Variants in ADAMTS2 observed in about 807,000 individuals in gnomAD.
ADAMTS2 encodes ADAM metallopeptidase with thrombospondin type 1 motif 2, also known as A disintegrin and metalloproteinase with thrombospondin motifs 2.
ADAMTS2 carries 50 observed loss-of-function variants against 123.0 expected under a neutral mutation model. The observed-to-expected ratio is 0.41, with a 90% CI of 0.32 to 0.51. ADAMTS2 has a LOEUF of 0.51. Ranked by LOEUF, ADAMTS2 falls within the 20% of genes least tolerant of loss-of-function variation. The probability of loss-of-function intolerance (pLI) is 0.35; values close to 1 mark genes in which losing one functional copy is unlikely to be tolerated. For missense variants in ADAMTS2, 1,494 were observed against 1,705.2 expected, an observed-to-expected ratio of 0.88 and a Z score of 2.18; for synonymous variants, 678 against 695.4, an observed-to-expected ratio of 0.98 and a Z score of 0.39.
At position 179,256,349 on chromosome 5, in the gene ADAMTS2, G is replaced by A. The variant is rs1289397328; in HGVS notation, c.688+16562C>T. Reference sequence around the variant, plus strand: ...AGGCCTGCCATGGAGCTTTGGGCCTGAGGCCTCAGCTGAGGCCAAGGCAGC... The same window carrying A: ...AGGCCTGCCATGGAGCTTTGGGCCTAAGGCCTCAGCTGAGGCCAAGGCAGC... On this transcript the variant is annotated intron_variant, in intron 3 of 21. Coordinates refer to ENST00000251582, the MANE Select transcript of ADAMTS2 (RefSeq NM_014244.5). The surrounding 1 kb of genome is among the most constrained non-coding windows in gnomAD (Gnocchi z 4.1). 6.6e-6 allele frequency among the ~76,000 whole-genome samples: 1 copy of A among 152,142 alleles called. No homozygotes were observed. Among genetic ancestry groups the A allele is most frequent in the Non-Finnish European group, 1.5e-5 (1 of 68,022 alleles).
intron 3 of ADAMTS2, among the ~76,000 whole-genome samples, chr5:179,247,575 T>C (rs994605186): frequency 3.9e-5 from 6 of 152,182 alleles, no homozygotes; most frequent in African/African-American, 1.4e-4. Flanking sequence ...TCAAGATACA[T>C]TGTAATCAAA....
intron 4 of ADAMTS2, among the ~76,000 whole-genome samples, chr5:179,200,756 C>A (rs1177960771): frequency 1.3e-5 from 2 of 152,160 alleles, no homozygotes; most frequent in Non-Finnish European, 2.9e-5. Context: ...GGAAAGACTG[C>A]AGGATCTTTC....
At chr5:179,152,523 C>T (rs1317150162) in intron 9 of ADAMTS2, among the ~76,000 whole-genome samples, 2 of 152,122 alleles carry the variant, frequency 1.3e-5, no homozygotes, top group African/African-American at 2.4e-5. Flanking sequence ...GCAGCTGGGC[C>T]CTAAGTGCCA....
chr5:179,344,719 C>A (rs1011554662), intron 1 of ADAMTS2, among the ~76,000 whole-genome samples: 8 of 152,222 alleles, frequency 5.3e-5, no homozygotes, highest in African/African-American at 1.9e-4. Flanking sequence ...TCTCCCCGAG[C>A]GCCCGAGGAC....
chr5:179,177,851 C>T (rs1763964096), intron 5 of ADAMTS2, among the ~76,000 whole-genome samples: 1 of 152,170 alleles, frequency 6.6e-6, no homozygotes, highest in Admixed American at 6.5e-5. Context: ...GGCTTTATTC[C>T]ATCAAGTACT....
Position 179,256,631 on chromosome 5 carries a change from C to T in ADAMTS2, c.688+16280G>A, listed in dbSNP as rs1336086171. On this transcript the variant is annotated intron_variant, in intron 3 of 21. Coordinates refer to ENST00000251582, the MANE Select transcript of ADAMTS2 (RefSeq NM_014244.5). The surrounding 1 kb of genome is among the most constrained non-coding windows in gnomAD (Gnocchi z 4.1). ...TCCACTGCAAACCAGGCAGGCGGGG[C>T]CAGCATGAGTGGGGGGGCCAGGCAC... Among the ~76,000 whole-genome samples the T allele has an allele frequency of 6.6e-6, 1 of 152,062 alleles. No individual in the cohort carries two copies. Among genetic ancestry groups the T allele is most frequent in the Non-Finnish European group, 1.5e-5 (1 of 68,002 alleles).
chr5:179,118,360 G>A lies in ADAMTS2; in HGVS notation c.3178+3301C>T, dbSNP rs1202690251. On this transcript the variant is annotated intron_variant, in intron 21 of 21. Transcript: ENST00000251582. The surrounding 1 kb of genome is among the most constrained non-coding windows in gnomAD (Gnocchi z 4.5). The stretch of plus-strand genomic sequence containing the variant: ...AGGTAATGACTGGCGATGCCTCTCC[G>A]CCAAGATGAACACTGTGGTTTTACA... Among the ~76,000 whole-genome samples the A allele has an allele frequency of 2.6e-5, 4 of 151,922 alleles. No homozygotes were observed. Among genetic ancestry groups the A allele is most frequent in the Admixed American group, 1.3e-4 (2 of 15,248 alleles).
In ADAMTS2 at chr5:179,262,582, G is replaced by A. The variant is rs1045273384; in HGVS notation, c.688+10329C>T. Among the ~76,000 whole-genome samples, 1 of 152,024 alleles carries A rather than the reference G, an allele frequency of 6.6e-6. No homozygotes were observed. The highest frequency in any genetic ancestry group is 1.5e-5 in the Non-Finnish European group (1 of 68,014). On this transcript the variant is annotated intron_variant, in intron 3 of 21. Transcript: ENST00000251582. The surrounding 1 kb of genome is among the most constrained non-coding windows in gnomAD (Gnocchi z 5.9). ...GCTCTTCCTTCTGCCCCTTGGTCAC[G>A]CTGCGGTAACTCCAGCCTCAGGGCT...
chr5:179,275,552 G>A (rs75091832), intron 2 of ADAMTS2, among the ~76,000 whole-genome samples: 3,473 of 152,268 alleles, frequency 0.023, 57 homozygotes, highest in Middle Eastern at 0.061. Context: ...TCCTTATGCC[G>A]GGGAGTGGAG....
chr5:179,229,023 G>A (rs1004565358), intron 3 of ADAMTS2, among the ~76,000 whole-genome samples: 1 of 151,940 alleles, frequency 6.6e-6, no homozygotes, highest in Non-Finnish European at 1.5e-5. Flanking sequence ...ACCTCCAGCT[G>A]TGCACCTCGG....
chr5:179,272,887 C>T lies in ADAMTS2; in HGVS notation c.688+24G>A, dbSNP rs769102408. 6.2e-7 allele frequency: 1 copy of T among 1,603,944 alleles called. No individual in the cohort carries two copies. Among genetic ancestry groups the T allele is most frequent in the South Asian group, 1.1e-5 (1 of 91,006 alleles). ...GGGCCTCAGAGGGCTCTCCACACAG[C>T]CTGCCCACCTGCAGTAGCCTCACCT... On this transcript the variant is annotated intron_variant, in intron 3 of 21. Transcript: ENST00000251582. The surrounding 1 kb of genome is among the most constrained non-coding windows in gnomAD (Gnocchi z 5.8).
chr5:179,251,652 T>C (rs925431761), intron 3 of ADAMTS2, among the ~76,000 whole-genome samples: 1 of 152,104 alleles, frequency 6.6e-6, no homozygotes, highest in Non-Finnish European at 1.5e-5. Flanking sequence ...AGTGAAACAC[T>C]GTGTTATCAT....
intron 3 of ADAMTS2, among the ~76,000 whole-genome samples, chr5:179,212,472 G>A (rs1287420504): frequency 6.8e-6 from 1 of 147,996 alleles, no homozygotes; most frequent in East Asian, 2.1e-4. Context: ...GGCACGTGTG[G>A]GCCCTGAGGG....
Position 179,130,129 on chromosome 5 carries a change from T to C in ADAMTS2, c.2291-31A>G, listed in dbSNP as rs371331066. 6.2e-6 allele frequency: 10 copies of C among 1,613,420 alleles called. No individual in the cohort carries two copies. Among genetic ancestry groups the C allele is most frequent in the Admixed American group, 5.0e-5 (3 of 59,990 alleles). The stretch of plus-strand genomic sequence containing the variant: ...AATGGCAAGACCAAGTCCCCCGTTG[T>C]GGTCACCCAAGAGCAGGACCCAGGC... On this transcript the variant is annotated intron_variant, in intron 15 of 21. Coordinates refer to ENST00000251582, the MANE Select transcript of ADAMTS2 (RefSeq NM_014244.5). The surrounding 1 kb of genome is among the most constrained non-coding windows in gnomAD (Gnocchi z 4.3).
At chr5:179,320,509 G>A (rs892412750) in intron 2 of ADAMTS2, among the ~76,000 whole-genome samples, 5 of 147,294 alleles carry the variant, frequency 3.4e-5, no homozygotes, top group South Asian at 2.1e-4. Context: ...TAGTAGAGAC[G>A]AGGTTTCACC....
chr5:179,121,163 G>T (rs1028271103), intron 21 of ADAMTS2: 11 of 152,330 alleles, frequency 7.2e-5, no homozygotes, highest in African/African-American at 2.7e-4. Context: ...ACAGGGCCGC[G>T]CGGGGCTGTG....
chr5:179,189,644 A>G lies in ADAMTS2; in HGVS notation c.892-8489T>C, dbSNP rs984878619. Among the ~76,000 whole-genome samples, 1 of 147,304 alleles carries G rather than the reference A, an allele frequency of 6.8e-6. No homozygotes were observed. On this transcript the variant is annotated intron_variant, in intron 4 of 21. Transcript: ENST00000251582. The surrounding 1 kb of genome is among the most constrained non-coding windows in gnomAD (Gnocchi z 4.2). ...AGTGCTGGGATTACAGGCGTGAGCCACCGCGCCCGGCCAGGAGCAATTTTT... is the reference window on the plus strand; with the variant it reads ...AGTGCTGGGATTACAGGCGTGAGCCGCCGCGCCCGGCCAGGAGCAATTTTT...
At chr5:179,184,374 G>A (rs142937152) in intron 4 of ADAMTS2, among the ~76,000 whole-genome samples, 2,028 of 152,180 alleles carry the variant, frequency 0.013, 40 homozygotes, top group African/African-American at 0.046. Flanking sequence ...AGCCAGGCAT[G>A]GTGGCGAGCG....
Position 179,292,815 on chromosome 5 carries a change from G to A in ADAMTS2, c.535-19751C>T, listed in dbSNP as rs547300202. Among the ~76,000 whole-genome samples the A allele has an allele frequency of 1.4e-4, 21 of 152,270 alleles. 1 individual carries two copies. Among genetic ancestry groups the A allele is most frequent in the African/African-American group, 5.1e-4 (21 of 41,560 alleles). On this transcript the variant is annotated intron_variant, in intron 2 of 21. Coordinates refer to ENST00000251582, the MANE Select transcript of ADAMTS2 (RefSeq NM_014244.5). ...CTGGAGTGCAGACCACTGCCCAGAC[G>A]GCTTCCTGAGGTCCTGGCTGGGGCC...
Sources: gnomAD v4.1 joint callset for allele counts (sites outside exome capture counted in the v4.1 genomes callset) on GRCh38, gnomAD v4.1.1 for gene constraint, Gnocchi (gnomAD v3.1) non-coding constraint, MANE v1.5 for transcripts, NCBI Gene and HGNC (gene_info 2026-07-23, HGNC 2026-07-21) for gene names.